FNBP1L: variants seen among roughly 807,000 people sequenced by gnomAD.
FNBP1L encodes formin-binding protein 1-like.
In FNBP1L, 36 loss-of-function variants were observed where a neutral mutation model predicts 91.2. That is an observed-to-expected ratio of 0.39 (90% CI 0.30 to 0.52). FNBP1L has a LOEUF of 0.52. FNBP1L is among the 20% of genes least tolerant of loss of function. FNBP1L has a pLI of 0.66. For synonymous variants in FNBP1L, 242 were observed against 237.0 expected, an observed-to-expected ratio of 1.02 and a Z score of -0.19; for missense variants, 571 against 732.1, an observed-to-expected ratio of 0.78 and a Z score of 2.54.
chr1:93,553,668 A>G lies in FNBP1L; in HGVS notation c.*1252A>G, dbSNP rs1672490251. 6.5e-6 allele frequency: 1 copy of G among 152,770 alleles called. No individual in the cohort carries two copies. Among genetic ancestry groups the G allele is most frequent in the Middle Eastern group, 3.4e-3 (1 of 294 alleles). The allele number at this position is 152,770 out of a possible 1,614,324, so 9.5% of individuals were successfully genotyped here. A position where few individuals can be genotyped will look rare whatever the true frequency, so the allele number is the denominator to read the frequency against. ...ATTTAGTGAAACTTTGTAATGATCTATGTGCACTTTTACTTGTAAAATGGA... is the reference window on the plus strand; with the variant it reads ...ATTTAGTGAAACTTTGTAATGATCTGTGTGCACTTTTACTTGTAAAATGGA... On this transcript the variant is annotated 3_prime_UTR_variant, in exon 17 of 17. Coordinates refer to ENST00000271234, the MANE Select transcript of FNBP1L (RefSeq NM_001164473.3).
chr1:93,538,276 A>G (rs887210150), intron 10 of FNBP1L, among the ~76,000 whole-genome samples: 2 of 149,440 alleles, frequency 1.3e-5, no homozygotes, highest in African/African-American at 2.4e-5. Context: ...TTTTTTTTGA[A>G]TAAGTTTGTA....
chr1:93,468,213 T>C (rs1180526931), intron 1 of FNBP1L, among the ~76,000 whole-genome samples: 2 of 152,236 alleles, frequency 1.3e-5, no homozygotes, highest in African/African-American at 4.8e-5. Flanking sequence ...TATGTGGTCA[T>C]TGGTGACTGG....
intron 1 of FNBP1L, among the ~76,000 whole-genome samples, chr1:93,479,057 G>A (rs921117591): frequency 5.9e-5 from 9 of 152,178 alleles, no homozygotes; most frequent in South Asian, 2.1e-4. Flanking sequence ...ATATTTCAAC[G>A]TAGGTTCTTT....
intron 10 of FNBP1L, among the ~76,000 whole-genome samples, chr1:93,536,868 ATAT>A (rs1212897912): frequency 6.6e-6 from 1 of 152,052 alleles, no homozygotes; most frequent in African/African-American, 2.4e-5. Context: ...ATTTTATAAA[ATAT>A]TATTTTATTG....
At chr1:93,514,437 C>G (rs1670991773) in intron 2 of FNBP1L, among the ~76,000 whole-genome samples, 1 of 151,164 alleles carries the variant, frequency 6.6e-6, no homozygotes, top group African/African-American at 2.4e-5. Flanking sequence ...CATATGGAAC[C>G]AAAAAAGAGC....
chr1:93,501,128 A>G (rs1345671774), intron 2 of FNBP1L, among the ~76,000 whole-genome samples: 1 of 152,214 alleles, frequency 6.6e-6, no homozygotes, highest in African/African-American at 2.4e-5. Context: ...AGCACATTAA[A>G]TTCTCAGATT....
intron 2 of FNBP1L, among the ~76,000 whole-genome samples, chr1:93,501,162 T>TC (rs1670430602): frequency 6.6e-6 from 1 of 152,126 alleles, no homozygotes; most frequent in Admixed American, 6.5e-5. Context: ...TCTCAGTTTT[T>TC]CCAATAGAAA....
chr1:93,531,133 A>C (rs1557813184), intron 7 of FNBP1L, among the ~76,000 whole-genome samples: 1 of 152,248 alleles, frequency 6.6e-6, no homozygotes, highest in Non-Finnish European at 1.5e-5. Flanking sequence ...ACATTTAAAT[A>C]CTTTAAGTAT....
intron 1 of FNBP1L, among the ~76,000 whole-genome samples, chr1:93,448,577 C>T (rs1437147211): frequency 1.3e-5 from 2 of 152,130 alleles, no homozygotes; most frequent in African/African-American, 2.4e-5. Flanking sequence ...CCGCGGGCTC[C>T]TGCGTGCGCC....
At chr1:93,454,138 C>T (rs928886783) in intron 1 of FNBP1L, among the ~76,000 whole-genome samples, 2 of 152,150 alleles carry the variant, frequency 1.3e-5, no homozygotes, top group African/African-American at 4.8e-5. Flanking sequence ...TGTATCCTGC[C>T]TGGATTAGCC....
chr1:93,517,255 A>T (rs943927766), intron 2 of FNBP1L, among the ~76,000 whole-genome samples: 1 of 152,128 alleles, frequency 6.6e-6, no homozygotes, highest in Non-Finnish European at 1.5e-5. Context: ...CATGTTGGTC[A>T]GGCTGGTCTC....
chr1:93,448,959 C>T (rs1371499234), intron 1 of FNBP1L, among the ~76,000 whole-genome samples: 3 of 152,352 alleles, frequency 2.0e-5, no homozygotes, highest in Middle Eastern at 6.8e-3. Flanking sequence ...TCCGGTTTGG[C>T]CACCCCCGGC....
At chr1:93,515,121 G>T (rs988833430) in intron 2 of FNBP1L, among the ~76,000 whole-genome samples, 21 of 152,312 alleles carry the variant, frequency 1.4e-4, no homozygotes, top group South Asian at 8.3e-4. Flanking sequence ...AACAGACACT[G>T]CTCAAAAGAA....
At chr1:93,548,218 T>G (rs955045623) in intron 14 of FNBP1L, among the ~76,000 whole-genome samples, 1 of 152,198 alleles carries the variant, frequency 6.6e-6, no homozygotes, top group African/African-American at 2.4e-5. Context: ...CTGGTTTTTG[T>G]TATTAGGTAA....
intron 2 of FNBP1L, among the ~76,000 whole-genome samples, chr1:93,506,947 C>T (rs1431905613): frequency 6.6e-6 from 1 of 151,808 alleles, no homozygotes; most frequent in East Asian, 1.9e-4. Context: ...CTACTATAAT[C>T]TTTAGAGATG....
intron 2 of FNBP1L, among the ~76,000 whole-genome samples, chr1:93,510,618 G>C (rs1053085624): frequency 8.5e-5 from 13 of 152,222 alleles, no homozygotes; most frequent in Admixed American, 2.6e-4. Context: ...GAATGACTTT[G>C]ATGAGCTGAG....
chr1:93,528,692 G>A (rs1408382684), intron 5 of FNBP1L, among the ~76,000 whole-genome samples: 2 of 152,134 alleles, frequency 1.3e-5, no homozygotes, highest in East Asian at 3.8e-4. Flanking sequence ...TAACAACTAT[G>A]CATTAGGCCT....
intron 1 of FNBP1L, among the ~76,000 whole-genome samples, chr1:93,467,237 C>G (rs764417112): frequency 1.6e-4 from 25 of 152,132 alleles, no homozygotes; most frequent in Non-Finnish European, 2.9e-5. Context: ...TGGAAGCAAC[C>G]CACTTGTTCA....
At chr1:93,469,159 A>G (rs979328940) in intron 1 of FNBP1L, among the ~76,000 whole-genome samples, 2 of 152,024 alleles carry the variant, frequency 1.3e-5, no homozygotes, top group African/African-American at 4.8e-5. Flanking sequence ...ATAGGTATAC[A>G]TGTGCCATGT....
Sources: allele counts gnomAD v4.1 joint callset (sites outside exome capture counted in the v4.1 genomes callset), GRCh38; gene constraint gnomAD v4.1.1; transcripts MANE v1.5; gene names NCBI Gene and HGNC (gene_info 2026-07-23, HGNC 2026-07-21).